The following DSCAM variants were observed in gnomAD, a reference collection of about 807,000 sequenced individuals.
DSCAM encodes cell adhesion molecule DSCAM.
DSCAM carries 47 observed loss-of-function variants against 217.7 expected under a neutral mutation model. The ratio of observed to expected loss-of-function variants is 0.22; its 90% confidence interval spans 0.17 to 0.28. The LOEUF (loss-of-function observed/expected upper bound fraction) is 0.28, where lower values mean the gene tolerates loss of function less well. Ranked by LOEUF, DSCAM falls within the 10% of genes least tolerant of loss-of-function variation. The probability of loss-of-function intolerance (pLI) is 1.00; values close to 1 mark genes in which losing one functional copy is unlikely to be tolerated. For synonymous variants in DSCAM, 1,056 were observed against 1,015.3 expected (o/e 1.04, Z -0.76); for missense variants, 2,080 against 2,618.3 (o/e 0.79, Z 4.49).
chr21:40,253,938 C>T (rs1421491314), intron 11 of DSCAM, among the ~76,000 whole-genome samples: 1 of 152,186 alleles, frequency 6.6e-6, no homozygotes, highest in Non-Finnish European at 1.5e-5. Flanking sequence ...GGTGTGCTAT[C>T]TTGAATTTGC....
chr21:40,766,475 T>G (rs1386970897), intron 1 of DSCAM, among the ~76,000 whole-genome samples: 1 of 151,914 alleles, frequency 6.6e-6, no homozygotes, highest in East Asian at 1.9e-4. Context: ...ACATTAACAT[T>G]GAGGCTTGGT....
chr21:40,123,753 A>C lies in DSCAM; in HGVS notation c.3696+442T>G, dbSNP rs142384425. 5.7e-3 allele frequency among the ~76,000 whole-genome samples: 836 copies of C among 146,004 alleles called. 11 individuals carry two copies. Among genetic ancestry groups the C allele is most frequent in the Non-Finnish European group, 7.2e-3 (478 of 66,248 alleles). ...TTTCCCTGTGAGAGATGGAGGAGGGAAAGAAGGGAGGGATAGGGTGGGAGG... is the reference window on the plus strand; with the variant it reads ...TTTCCCTGTGAGAGATGGAGGAGGGCAAGAAGGGAGGGATAGGGTGGGAGG... On this transcript the variant is annotated intron_variant, in intron 20 of 32. Transcript: ENST00000400454.
chr21:40,153,595 A>C (rs769538099), intron 16 of DSCAM, among the ~76,000 whole-genome samples: 9 of 152,156 alleles, frequency 5.9e-5, no homozygotes, highest in Non-Finnish European at 1.3e-4. Context: ...TACGGGACAG[A>C]ACCTATGGAG....
At chr21:40,781,672 G>C (rs2123429343) in intron 1 of DSCAM, among the ~76,000 whole-genome samples, 1 of 152,206 alleles carries the variant, frequency 6.6e-6, no homozygotes, top group Non-Finnish European at 1.5e-5. Context: ...AATGTACTAA[G>C]CTCACGCTGT....
rs769029041 is a variant in DSCAM, at chr21:40,369,252, T to C, written c.509-7A>G. 8.1e-6 allele frequency: 13 copies of C among 1,606,134 alleles called. No homozygotes were observed. The Admixed American group carries it at 2.0e-4, about 25-fold the overall frequency. The stretch of plus-strand genomic sequence containing the variant: ...GTGATGAGAAATCTAGATCCTGAAA[T>C]AGAGGAAAACAGTGGCTTGGTTAAA... On this transcript the variant is annotated splice_polypyrimidine_tract_variant and splice_region_variant and intron_variant, in intron 3 of 32. Transcript: ENST00000400454.
At chr21:40,756,038 C>T (rs547209308) in intron 1 of DSCAM, among the ~76,000 whole-genome samples, 1 of 152,152 alleles carries the variant, frequency 6.6e-6, no homozygotes, top group Non-Finnish European at 1.5e-5. Context: ...GGATATGTGG[C>T]CCTGCCAAAA....
At chr21:40,652,394 C>T (rs2090026620) in intron 3 of DSCAM, among the ~76,000 whole-genome samples, 1 of 151,928 alleles carries the variant, frequency 6.6e-6, no homozygotes, top group South Asian at 2.1e-4. Flanking sequence ...CTGCTTTGAG[C>T]TTCAAAAGCC....
chr21:40,447,626 TA>T (rs1330856254), intron 3 of DSCAM, among the ~76,000 whole-genome samples: 4 of 152,196 alleles, frequency 2.6e-5, no homozygotes, highest in African/African-American at 7.2e-5. Flanking sequence ...GTTTTTCTAA[TA>T]AAAAAACACA....
chr21:40,237,464 G>A (rs1462270072), intron 11 of DSCAM, among the ~76,000 whole-genome samples: 1 of 152,146 alleles, frequency 6.6e-6, no homozygotes, highest in Non-Finnish European at 1.5e-5. Flanking sequence ...AACACGTGGT[G>A]TTTGGTTTTC....
At chr21:40,035,700 AACAGAAT>A (rs2088607299) in intron 32 of DSCAM, among the ~76,000 whole-genome samples, 1 of 150,994 alleles carries the variant, frequency 6.6e-6, no homozygotes, top group Admixed American at 6.6e-5. Flanking sequence ...ACCCCAAATC[AACAGAAT>A]ACACATTTTT....
chr21:40,801,933 G>A (rs1406166681), intron 1 of DSCAM, among the ~76,000 whole-genome samples: 1 of 152,174 alleles, frequency 6.6e-6, no homozygotes, highest in Non-Finnish European at 1.5e-5. Context: ...AATGCTGTAT[G>A]TAACTGTAGG....
intron 1 of DSCAM, among the ~76,000 whole-genome samples, chr21:40,806,354 A>C (rs1239327103): frequency 8.5e-6 from 1 of 117,188 alleles, no homozygotes; most frequent in East Asian, 2.2e-4. Flanking sequence ...GGCACCCTGA[A>C]GATGCAAAAA....
chr21:40,562,630 A>G (rs1001137976), intron 3 of DSCAM, among the ~76,000 whole-genome samples: 5 of 152,218 alleles, frequency 3.3e-5, no homozygotes, highest in Non-Finnish European at 7.3e-5. Context: ...ATAACAGCTC[A>G]TTAGAAAGTG....
intron 3 of DSCAM, among the ~76,000 whole-genome samples, chr21:40,623,805 G>A (rs560191302): frequency 3.9e-5 from 6 of 152,286 alleles, no homozygotes; most frequent in Admixed American, 2.6e-4. Flanking sequence ...ACTTGCCTAC[G>A]GATAGTGGTG....
intron 3 of DSCAM, chr21:40,513,177 T>G (rs2076273699): frequency 6.6e-6 from 1 of 152,038 alleles, no homozygotes; most frequent in African/African-American, 2.4e-5. Flanking sequence ...CTGGGATTCT[T>G]ACATCGACTG....
At chr21:40,686,161 T>TCA (rs953629741) in intron 3 of DSCAM, among the ~76,000 whole-genome samples, 5 of 136,182 alleles carry the variant, frequency 3.7e-5, no homozygotes, top group East Asian at 2.2e-4. Flanking sequence ...CCTGCATATA[T>TCA]CACACACACA....
At chr21:40,381,074 A>AAAAAAAAAAAAAAAAAAAAAAAC (rs1569095596) in intron 3 of DSCAM, among the ~76,000 whole-genome samples, 2 of 147,040 alleles carry the variant, frequency 1.4e-5, no homozygotes, top group African/African-American at 5.3e-5. Flanking sequence ...AAAAAAAAAA[A>AAAAAAAAAAAAAAAAAAAAAAAC]AAAAAAAAAA....
intron 3 of DSCAM, among the ~76,000 whole-genome samples, chr21:40,430,998 A>G: frequency 6.6e-6 from 1 of 152,226 alleles, no homozygotes; most frequent in East Asian, 1.9e-4. Flanking sequence ...AAAATCTTAC[A>G]AATGAAAACC....
At chr21:40,028,698 C>G (rs1037091861) in intron 32 of DSCAM, among the ~76,000 whole-genome samples, 7 of 152,186 alleles carry the variant, frequency 4.6e-5, no homozygotes, top group Non-Finnish European at 8.8e-5. Context: ...ATGCCTCGCT[C>G]TGCTTCGGCT....
Sources: allele counts gnomAD v4.1 joint callset (sites outside exome capture counted in the v4.1 genomes callset), GRCh38; gene constraint gnomAD v4.1.1; transcripts MANE v1.5; gene names NCBI Gene and HGNC (gene_info 2026-07-23, HGNC 2026-07-21).